The following CAST variants were observed in gnomAD, a reference collection of about 807,000 sequenced individuals.
The protein encoded by CAST is MIR583 host.
A neutral mutation model predicts 119.6 loss-of-function variants in CAST; 76 were observed. The observed-to-expected ratio is 0.64, with a 90% CI of 0.53 to 0.77. CAST has a LOEUF of 0.77. Among genes scored for constraint, CAST ranks in the 30% least tolerant of loss-of-function variants. The pLI, the probability that CAST is intolerant of heterozygous loss-of-function variation, is 0.00. For missense variants in CAST, 953 were observed against 946.5 expected, an observed-to-expected ratio of 1.01 and a Z score of -0.09; for synonymous variants, 319 against 331.6, an observed-to-expected ratio of 0.96 and a Z score of 0.41.
chr5:96,735,462 A>T (rs1761436707), intron 9 of CAST, among the ~76,000 whole-genome samples: 1 of 152,238 alleles, frequency 6.6e-6, no homozygotes, highest in South Asian at 2.1e-4. Context: ...ATGATTTTGG[A>T]TAAGACCACC....
the CAST span, among the ~76,000 whole-genome samples, chr5:96,273,010 A>G: frequency 6.6e-6 from 1 of 152,214 alleles, no homozygotes. Context: ...TAAGTATTTG[A>G]ATAGCTGATA....
chr5:96,347,190 C>G, the CAST span, among the ~76,000 whole-genome samples: 1 of 152,118 alleles, frequency 6.6e-6, no homozygotes, highest in Non-Finnish European at 1.5e-5. Flanking sequence ...ATTTACCAGT[C>G]AAGTCATCCT....
chr5:96,535,616 C>T (rs1248241466), intron 1 of CAST, among the ~76,000 whole-genome samples: 2 of 137,936 alleles, frequency 1.4e-5, no homozygotes, highest in Admixed American at 8.0e-5. Context: ...CTCTGTCGCC[C>T]AGGCTGGAGT....
chr5:96,651,546 G>A (rs188981041), intron 1 of CAST, among the ~76,000 whole-genome samples: 1 of 152,188 alleles, frequency 6.6e-6, no homozygotes, highest in African/African-American at 2.4e-5. Context: ...CTCACCTGAG[G>A]TTGGGAAGGG....
At chr5:96,239,579 G>GT in the CAST span, among the ~76,000 whole-genome samples, 3 of 151,898 alleles carry the variant, frequency 2.0e-5, no homozygotes, top group African/African-American at 4.8e-5. Flanking sequence ...GAGATGTGTG[G>GT]TTTTTTCCAC....
chr5:96,240,969 T>G, the CAST span, among the ~76,000 whole-genome samples: 16 of 152,288 alleles, frequency 1.1e-4, no homozygotes, highest in Admixed American at 7.2e-4. Context: ...AAATTTATTA[T>G]GTACTAATAT....
the CAST span, among the ~76,000 whole-genome samples, chr5:96,477,963 C>T: frequency 1.3e-5 from 2 of 152,168 alleles, no homozygotes; most frequent in Non-Finnish European, 2.9e-5. Flanking sequence ...GAGACACAAA[C>T]CAAATGTTCA....
chr5:96,135,282 C>G, the CAST span, among the ~76,000 whole-genome samples: 1 of 152,152 alleles, frequency 6.6e-6, no homozygotes, highest in Admixed American at 6.5e-5. Context: ...ATAGAATTAT[C>G]TTAAAGTCAG....
At chr5:96,659,416 A>C (rs1198287941), upstream of CAST, among the ~76,000 whole-genome samples, 1 of 152,252 alleles carries the variant, frequency 6.6e-6, no homozygotes, top group Admixed American at 6.5e-5. Context: ...CCTTTAGTGT[A>C]AGAGGTCTAC....
chr5:96,657,928 C>A (rs1184224667), upstream of CAST, among the ~76,000 whole-genome samples: 1 of 152,068 alleles, frequency 6.6e-6, no homozygotes, highest in African/African-American at 2.4e-5. Context: ...AAAACCTCAT[C>A]TCTACTAAAA....
At chr5:96,715,101 T>C (rs1221428907) in intron 3 of CAST, 1 of 152,214 alleles carries the variant, frequency 6.6e-6, no homozygotes, top group Non-Finnish European at 1.5e-5. Context: ...GCTCATGTGC[T>C]CTGCACTCCT....
At chr5:96,399,894 C>T in the CAST span, 1 of 1,326,770 alleles carries the variant, frequency 7.5e-7, no homozygotes, top group African/African-American at 1.4e-5. Flanking sequence ...GAATGGCAAA[C>T]ATAGTAATGA....
At chr5:96,532,833 G>A (rs1191225264) in intron 1 of CAST, among the ~76,000 whole-genome samples, 1 of 151,908 alleles carries the variant, frequency 6.6e-6, no homozygotes, top group Non-Finnish European at 1.5e-5. Context: ...CTGACAATAA[G>A]AGCAAAACTC....
chr5:96,757,401 A>G (rs1171181276), intron 22 of CAST, 43 bp from the exon 23 acceptor site: 1 of 1,568,182 alleles, frequency 6.4e-7, no homozygotes, highest in East Asian at 2.2e-5. Context: ...CTTTGGATAA[A>G]ATGTAAAATG....
the CAST span, among the ~76,000 whole-genome samples, chr5:96,355,944 C>T: frequency 6.6e-6 from 1 of 152,128 alleles, no homozygotes; most frequent in Non-Finnish European, 1.5e-5. Flanking sequence ...TCATGATCTG[C>T]CCAGCTTGGC....
At chr5:96,742,858 G>A in intron 16 of CAST, 102 bp downstream of exon 16, 2 of 800,636 alleles carry the variant, frequency 2.5e-6, no homozygotes, top group Non-Finnish European at 4.2e-6. Context: ...TTATTGGAGA[G>A]TAAAAGTGAG....
chr5:96,557,036 G>A (rs1339745809), intron 1 of CAST, among the ~76,000 whole-genome samples: 2 of 152,066 alleles, frequency 1.3e-5, no homozygotes, highest in Non-Finnish European at 2.9e-5. Context: ...CAAGCCAGAA[G>A]ACAGTGGCAG....
intron 9 of CAST, 121 bp from the exon 10 acceptor site, chr5:96,736,051 A>T: frequency 1.6e-6 from 1 of 623,374 alleles, no homozygotes; most frequent in Non-Finnish European, 2.8e-6. Context: ...TTTCTGCTGT[A>T]GAGCGGATGT....
At chr5:96,429,834 G>T in the CAST span, among the ~76,000 whole-genome samples, 1 of 152,184 alleles carries the variant, frequency 6.6e-6, no homozygotes, top group African/African-American at 2.4e-5. Flanking sequence ...TGAGTTCACA[G>T]TATATTCATT....
Sources: allele counts gnomAD v4.1 joint callset (sites outside exome capture counted in the v4.1 genomes callset), GRCh38; gene constraint gnomAD v4.1.1; transcripts MANE v1.5; gene names NCBI Gene and HGNC (gene_info 2026-07-23, HGNC 2026-07-21).